Variants in PDZRN4 observed in about 807,000 individuals in gnomAD.
The protein encoded by PDZRN4 is PDZ domain-containing RING finger protein 4.
A neutral mutation model predicts 99.0 loss-of-function variants in PDZRN4; 70 were observed. The observed-to-expected ratio is 0.71, with a 90% CI of 0.58 to 0.86. The LOEUF (loss-of-function observed/expected upper bound fraction) is 0.86. PDZRN4 is among the 40% of genes least tolerant of loss of function. The pLI is 0.00. For missense variants in PDZRN4, 1,474 were observed against 1,331.2 expected (o/e 1.11, Z -1.67); for synonymous variants, 551 against 501.6 (o/e 1.10, Z -1.32).
intron 3 of PDZRN4, among the ~76,000 whole-genome samples, chr12:41,384,530 A>C (rs1224308223): frequency 1.3e-5 from 2 of 152,156 alleles, no homozygotes; most frequent in Non-Finnish European, 2.9e-5. Context: ...TTTCCAATAG[A>C]GTAGAATTGA....
At chr12:41,231,697 C>A (rs1213604152) in intron 3 of PDZRN4, among the ~76,000 whole-genome samples, 2 of 151,956 alleles carry the variant, frequency 1.3e-5, no homozygotes, top group East Asian at 3.9e-4. Context: ...TTTTATAGGG[C>A]CCAGCCCTAA....
In PDZRN4 at chr12:41,188,898, G is replaced by T; in HGVS notation, c.443G>T (p.Gly148Val). The T allele has an allele frequency of 1.8e-6, 2 of 1,095,964 alleles. No individual in the cohort carries two copies. The highest frequency in any genetic ancestry group is 2.2e-6 in the Non-Finnish European group (2 of 903,028). 67.9% of individuals were successfully genotyped at this position (1,095,964 alleles called of 1,614,324 possible). Reference protein sequence around the residue: ...RAGRGGGARGGPPGGRWGRGR... With the variant: ...RAGRGGGARGVPPGGRWGRGR... ...GGCCGGGGCGGGGGCGCGCGCGGGG[G>T]GCCGCCGGGCGGCCGCTGGGGCCGC... The change falls in exon 1 of 10, where the codon GGG becomes GTG. Residue 148 changes from glycine (G) to valine (V), a missense_variant. Transcript: ENST00000402685.
intron 5 of PDZRN4, among the ~76,000 whole-genome samples, chr12:41,550,299 T>C (rs528878676): frequency 1.3e-5 from 2 of 152,286 alleles, no homozygotes; most frequent in African/African-American, 4.8e-5. Flanking sequence ...CTACAGCTCC[T>C]CATTTGTATT....
intron 5 of PDZRN4, among the ~76,000 whole-genome samples, chr12:41,545,616 C>T (rs904889499): frequency 6.7e-6 from 1 of 149,746 alleles, no homozygotes; most frequent in Non-Finnish European, 1.5e-5. Flanking sequence ...GGAATAATTC[C>T]ATGAGATAAA....
At chr12:41,385,514 AAAC>A (rs1348740413) in intron 3 of PDZRN4, among the ~76,000 whole-genome samples, 1 of 152,214 alleles carries the variant, frequency 6.6e-6, no homozygotes, top group Non-Finnish European at 1.5e-5. Flanking sequence ...ACAGAAATAT[AAAC>A]AACCATCAGG....
rs1335836149 is a variant in PDZRN4, at chr12:41,340,213, A to G, written c.843+146025A>G. 4.6e-5 allele frequency among the ~76,000 whole-genome samples: 7 copies of G among 152,038 alleles called. No homozygotes were observed. In the East Asian group the frequency reaches 1.2e-3, roughly 25 times the overall value. ...ACAGATGAATGGATAAAGAAAATGC[A>G]GTACATGTATAGAATAGAGAACGAT... On this transcript the variant is annotated intron_variant, in intron 3 of 9. Coordinates refer to ENST00000402685, the MANE Select transcript of PDZRN4 (RefSeq NM_001164595.2).
In PDZRN4 at chr12:41,534,285, C is replaced by CTT. The variant is rs11437867; in HGVS notation, c.1204-18362_1204-18361dup. 8.0e-3 allele frequency among the ~76,000 whole-genome samples: 1,210 copies of CTT among 150,366 alleles called. 51 individuals are homozygous for CTT. In the East Asian group the frequency reaches 0.14, roughly 17 times the overall value. The stretch of plus-strand genomic sequence containing the variant: ...TCTGAATTTGCACATCTCTTTTTAA[C>CTT]TTTTTTTTTTATTTTAAGTTCCGGG... On this transcript the variant is annotated intron_variant, in intron 5 of 9. Coordinates refer to ENST00000402685, the MANE Select transcript of PDZRN4 (RefSeq NM_001164595.2).
At chr12:41,438,392 A>G (rs535471360) in intron 3 of PDZRN4, among the ~76,000 whole-genome samples, 81 of 152,330 alleles carry the variant, frequency 5.3e-4, no homozygotes, top group Non-Finnish European at 9.8e-4. Context: ...TAATGGGTCT[A>G]TGATCTCAGT....
At chr12:41,369,794 T>A (rs1271262393) in intron 3 of PDZRN4, among the ~76,000 whole-genome samples, 1 of 152,022 alleles carries the variant, frequency 6.6e-6, no homozygotes, top group Non-Finnish European at 1.5e-5. Context: ...TTGTCTGAAC[T>A]TAACTATACA....
At chr12:41,316,923 G>T (rs1217313834) in intron 3 of PDZRN4, among the ~76,000 whole-genome samples, 4 of 151,430 alleles carry the variant, frequency 2.6e-5, no homozygotes, top group Non-Finnish European at 4.4e-5. Context: ...GCTAAGGCAG[G>T]TACAGCAGCT....
At chr12:41,234,395 C>A (rs1286468222) in intron 3 of PDZRN4, among the ~76,000 whole-genome samples, 1 of 151,992 alleles carries the variant, frequency 6.6e-6, no homozygotes, top group Non-Finnish European at 1.5e-5. Context: ...TTCAGAGCTT[C>A]AAAACAGAGA....
intron 3 of PDZRN4, among the ~76,000 whole-genome samples, chr12:41,387,178 T>C (rs1049402038): frequency 6.6e-6 from 1 of 152,076 alleles, no homozygotes; most frequent in African/African-American, 2.4e-5. Context: ...ACAGAGTACA[T>C]AACCTAAAGA....
Position 41,237,459 on chromosome 12 carries a change from T to C in PDZRN4, c.843+43271T>C, listed in dbSNP as rs373731501. 1.9e-3 allele frequency among the ~76,000 whole-genome samples: 283 copies of C among 152,296 alleles called. 1 individual carries two copies. The highest frequency in any genetic ancestry group is 6.4e-3 in the African/African-American group (268 of 41,578). On this transcript the variant is annotated intron_variant, in intron 3 of 9. Coordinates refer to ENST00000402685, the MANE Select transcript of PDZRN4 (RefSeq NM_001164595.2). ...AGCTTTCCTGATTTTATTGCTACTG[T>C]ATTCCCAGTATGTGTTGCTTTGTAA...
Position 41,572,944 on chromosome 12 carries a change from A to G in PDZRN4, c.2165A>G (p.Asp722Gly). 6.2e-7 allele frequency: 1 copy of G among 1,614,152 alleles called. No individual in the cohort carries two copies. Among genetic ancestry groups the G allele is most frequent in the Non-Finnish European group, 8.5e-7 (1 of 1,180,038 alleles). Residue 722 changes from aspartate (D) to glycine (G), a missense_variant, in exon 10 of 10, where the codon GAT (aspartate) becomes GGT (glycine). Asp to Gly is a moderately conservative substitution (Grantham distance 94, BLOSUM62 -1). Transcript: ENST00000402685. ...ATAGATATGCAAAGGGGAAAGCTAG[A>G]TGACATCATGGAGCATCCAGAAAAG... ...TSIDMQRGKL[D>G]DIMEHPEKSD...
At chr12:41,536,054 C>A (rs943040511) in intron 5 of PDZRN4, among the ~76,000 whole-genome samples, 2 of 152,120 alleles carry the variant, frequency 1.3e-5, no homozygotes, top group Non-Finnish European at 2.9e-5. Context: ...AGACTCTATA[C>A]CATGGGCTTT....
At chr12:41,242,010 A>G (rs920569986) in intron 3 of PDZRN4, among the ~76,000 whole-genome samples, 2 of 152,190 alleles carry the variant, frequency 1.3e-5, no homozygotes, top group Non-Finnish European at 2.9e-5. Flanking sequence ...TTGCAGTTGC[A>G]GCTCACACAC....
intron 5 of PDZRN4, among the ~76,000 whole-genome samples, chr12:41,532,431 C>T (rs539051463): frequency 6.6e-6 from 1 of 152,254 alleles, no homozygotes; most frequent in South Asian, 2.1e-4. Context: ...TTTGAATTAA[C>T]TTTGCATGTC....
chr12:41,366,797 T>G (rs532813492), intron 3 of PDZRN4, among the ~76,000 whole-genome samples: 1 of 152,290 alleles, frequency 6.6e-6, no homozygotes, highest in Non-Finnish European at 1.5e-5. Context: ...ATTACAGTTA[T>G]TATAATAGAA....
intron 3 of PDZRN4, among the ~76,000 whole-genome samples, chr12:41,339,784 AAAG>A (rs1951803223): frequency 1.3e-5 from 2 of 152,242 alleles, no homozygotes; most frequent in African/African-American, 4.8e-5. Context: ...AGATTTCTCA[AAAG>A]AAGACATACA....
Sources: gnomAD v4.1 joint callset for allele counts (sites outside exome capture counted in the v4.1 genomes callset) on GRCh38, gnomAD v4.1.1 for gene constraint, MANE v1.5 for transcripts, NCBI Gene and HGNC (gene_info 2026-07-23, HGNC 2026-07-21) for gene names.